The following SOX6 variants were observed in gnomAD, a reference collection of about 807,000 sequenced individuals.
SOX6 encodes the protein SRY-box transcription factor 6.
In SOX6, 11 loss-of-function variants were observed where a neutral mutation model predicts 97.8. The ratio of observed to expected loss-of-function variants is 0.11; its 90% CI spans 0.07 to 0.19. The LOEUF (loss-of-function observed/expected upper bound fraction) is 0.19. Ranked by LOEUF, SOX6 falls within the 10% of genes least tolerant of loss-of-function variation. The pLI is 1.00. For synonymous variants in SOX6, 360 were observed against 371.4 expected (o/e 0.97, Z 0.35); for missense variants, 810 against 1,039.5 (o/e 0.78, Z 3.04).
At chr11:16,462,111 A>T (rs1318762403) in intron 1 of SOX6, among the ~76,000 whole-genome samples, 1 of 152,218 alleles carries the variant, frequency 6.6e-6, no homozygotes, top group East Asian at 1.9e-4. Context: ...GATTTGTCTT[A>T]ACTGGGAAAA....
At chr11:16,314,608 G>C (rs980254502) in intron 3 of SOX6, 5 of 152,126 alleles carry the variant, frequency 3.3e-5, no homozygotes, top group Non-Finnish European at 5.9e-5. Context: ...GACTCCAGCA[G>C]ACATAGATAG....
At chr11:16,528,703 G>T (rs570431094) in intron 4 of SOX6, among the ~76,000 whole-genome samples, 1 of 152,210 alleles carries the variant, frequency 6.6e-6, no homozygotes, top group Non-Finnish European at 1.5e-5. Flanking sequence ...GCACAACAAT[G>T]AGAAGATATG....
chr11:16,372,852 C>T (rs1857527429), intron 1 of SOX6, among the ~76,000 whole-genome samples: 1 of 152,026 alleles, frequency 6.6e-6, no homozygotes, highest in Non-Finnish European at 1.5e-5. Flanking sequence ...AATTAAGGTT[C>T]TGATATAAAA....
At chr11:16,565,230 C>T (rs1847857034) in intron 4 of SOX6, among the ~76,000 whole-genome samples, 1 of 152,080 alleles carries the variant, frequency 6.6e-6, no homozygotes, top group Admixed American at 6.5e-5. Context: ...GCTCAAAAAA[C>T]AGAAATTACT....
At chr11:16,681,637 C>CA (rs945610816) in intron 3 of SOX6, among the ~76,000 whole-genome samples, 5 of 151,764 alleles carry the variant, frequency 3.3e-5, no homozygotes, top group Non-Finnish European at 5.9e-5. Context: ...GATAGAGACA[C>CA]AAAAAAACCT....
At chr11:16,468,616 T>C (rs1311855118) in intron 1 of SOX6, among the ~76,000 whole-genome samples, 1 of 152,150 alleles carries the variant, frequency 6.6e-6, no homozygotes, top group East Asian at 1.9e-4. Flanking sequence ...TCACACCAAT[T>C]CCACATTATA....
rs567045426 is a variant in SOX6 at position 16,074,340 on chromosome 11, GA to G, written c.1102-18440del. Among the ~76,000 whole-genome samples the G allele has an allele frequency of 1.2e-3, 181 of 151,908 alleles. 1 individual carries two copies. Among genetic ancestry groups the G allele is most frequent in the Non-Finnish European group, 2.4e-3 (162 of 67,898 alleles). On this transcript the variant is annotated intron_variant, in intron 9 of 15. Coordinates refer to ENST00000683767, the MANE Select transcript of SOX6 (RefSeq NM_001367873.1). ...CTATGCAAACAAACTAGAAAACTTA[GA>G]AAAAAACGGATAAATTCCTAAAAAC...
intron 4 of SOX6, among the ~76,000 whole-genome samples, chr11:16,513,813 G>A (rs568508837): frequency 1.3e-5 from 2 of 152,122 alleles, no homozygotes; most frequent in East Asian, 3.9e-4. Context: ...ATATATAAAG[G>A]AATGATTCTT....
intron 2 of SOX6, among the ~76,000 whole-genome samples, chr11:16,715,846 A>G (rs1229561328): frequency 6.6e-6 from 1 of 152,198 alleles, no homozygotes; most frequent in Non-Finnish European, 1.5e-5. Context: ...AAAAAAGAAA[A>G]AAAAATCAAC....
chr11:16,630,031 A>G (rs113416252), intron 3 of SOX6, among the ~76,000 whole-genome samples: 47,094 of 151,930 alleles, frequency 0.31, 8,752 homozygotes, highest in Non-Finnish European at 0.42. Context: ...TATCTTTTCA[A>G]ATAACCAGCT....
At chr11:16,259,024 A>G (rs1853788977) in intron 3 of SOX6, among the ~76,000 whole-genome samples, 1 of 151,916 alleles carries the variant, frequency 6.6e-6, no homozygotes, top group African/African-American at 2.4e-5. Flanking sequence ...CATGTAAAGG[A>G]GAAAAGAAAT....
intron 6 of SOX6, among the ~76,000 whole-genome samples, chr11:16,163,815 T>C (rs1850816878): frequency 1.3e-5 from 2 of 152,190 alleles, no homozygotes; most frequent in Non-Finnish European, 2.9e-5. Flanking sequence ...TGAACTGCAG[T>C]TAATCATGTG....
At chr11:16,212,436 T>C (rs1314392806) in intron 4 of SOX6, among the ~76,000 whole-genome samples, 2 of 152,172 alleles carry the variant, frequency 1.3e-5, no homozygotes, top group South Asian at 2.1e-4. Flanking sequence ...ATACTAGATA[T>C]ATAATTTTAT....
intron 3 of SOX6, among the ~76,000 whole-genome samples, chr11:16,268,106 G>GT (rs757945593): frequency 7.3e-5 from 11 of 150,866 alleles, no homozygotes; most frequent in East Asian, 3.9e-4. Flanking sequence ...AAAAATAAGT[G>GT]TTTTTTTTAG....
chr11:16,003,581 T>C (rs1461317445), intron 13 of SOX6, among the ~76,000 whole-genome samples: 2 of 152,034 alleles, frequency 1.3e-5, no homozygotes, highest in Admixed American at 6.6e-5. Context: ...ATCCCCAGGG[T>C]CTAGTAGCCA....
intron 6 of SOX6, among the ~76,000 whole-genome samples, chr11:16,139,413 C>G (rs140397972): frequency 6.6e-6 from 1 of 152,040 alleles, no homozygotes; most frequent in African/African-American, 2.4e-5. Context: ...TTTCTCTTCT[C>G]TTTTATTTTT....
intron 3 of SOX6, among the ~76,000 whole-genome samples, chr11:16,710,959 G>A (rs1848174929): frequency 6.6e-6 from 1 of 152,140 alleles, no homozygotes; most frequent in East Asian, 1.9e-4. Context: ...TCCATAAGTT[G>A]TTCAAGCCAG....
intron 15 of SOX6, 62 bp downstream of exon 15, chr11:15,986,142 G>T (rs1853830219): frequency 7.1e-7 from 1 of 1,411,086 alleles, no homozygotes; most frequent in Non-Finnish European, 1.0e-6. Context: ...ACTGCCAGTA[G>T]CCATCCTATA....
At chr11:16,520,485 A>C (rs536519209) in intron 4 of SOX6, among the ~76,000 whole-genome samples, 3 of 152,250 alleles carry the variant, frequency 2.0e-5, no homozygotes, top group African/African-American at 7.2e-5. Flanking sequence ...CTTAAAGTAA[A>C]CCTTGGGCCG....
Sources: gnomAD v4.1 joint callset for allele counts (sites outside exome capture counted in the v4.1 genomes callset) on GRCh38, gnomAD v4.1.1 for gene constraint, MANE v1.5 for transcripts, NCBI Gene and HGNC (gene_info 2026-07-23, HGNC 2026-07-21) for gene names.